ASAP2: variants seen among roughly 807,000 people sequenced by gnomAD.
ASAP2 encodes the protein arf-GAP with SH3 domain, ANK repeat and PH domain-containing protein 2.
In ASAP2, 45 loss-of-function variants were observed where a neutral mutation model predicts 131.4. That is an observed-to-expected ratio of 0.34 (90% CI 0.27 to 0.44). The LOEUF is 0.44. ASAP2 is among the 20% of genes least tolerant of loss of function. ASAP2 has a pLI of 1.00. For synonymous variants in ASAP2, 510 were observed against 503.0 expected (o/e 1.01, Z -0.19); for missense variants, 1,011 against 1,297.0 (o/e 0.78, Z 3.39).
At chr2:9,292,253 A>G (rs1667862529) in intron 2 of ASAP2, among the ~76,000 whole-genome samples, 1 of 152,058 alleles carries the variant, frequency 6.6e-6, no homozygotes, top group African/African-American at 2.4e-5. Flanking sequence ...TAAAACAGAG[A>G]AAGTAGGCTG....
intron 18 of ASAP2, among the ~76,000 whole-genome samples, chr2:9,377,744 AT>A (rs1674517272): frequency 6.6e-6 from 1 of 152,298 alleles, no homozygotes; most frequent in Non-Finnish European, 1.5e-5. Flanking sequence ...GATAGTTTGC[AT>A]TTTGTGTCCT....
intron 2 of ASAP2, among the ~76,000 whole-genome samples, chr2:9,291,150 T>A (rs1425512733): frequency 6.6e-6 from 1 of 152,244 alleles, no homozygotes; most frequent in Non-Finnish European, 1.5e-5. Flanking sequence ...CATTTTCATA[T>A]TGTTGGAACT....
At chr2:9,229,428 G>A (rs1488253208) in intron 1 of ASAP2, among the ~76,000 whole-genome samples, 2 of 152,180 alleles carry the variant, frequency 1.3e-5, no homozygotes, top group African/African-American at 2.4e-5. Context: ...CCTGAGTACT[G>A]TGCATCCAGC....
chr2:9,356,823 T>C (rs1460412728), intron 14 of ASAP2, among the ~76,000 whole-genome samples: 1 of 152,180 alleles, frequency 6.6e-6, no homozygotes, highest in African/African-American at 2.4e-5. Flanking sequence ...GTCTGTAAAG[T>C]GAAGGGACAG....
chr2:9,214,094 C>T (rs1453581446), intron 1 of ASAP2, among the ~76,000 whole-genome samples: 2 of 152,136 alleles, frequency 1.3e-5, no homozygotes, highest in Admixed American at 1.3e-4. Context: ...ATTTCAGCTC[C>T]CCAAACACTC....
At chr2:9,271,332 C>G (rs1374598179) in intron 1 of ASAP2, 3 of 1,049,042 alleles carry the variant, frequency 2.9e-6, no homozygotes, top group Non-Finnish European at 4.5e-6. Context: ...AGTCCAAGCT[C>G]TACGAGGAAC....
intron 24 of ASAP2, among the ~76,000 whole-genome samples, chr2:9,394,158 G>GC (rs1675934547): frequency 7.7e-6 from 1 of 130,656 alleles, no homozygotes; most frequent in African/African-American, 2.9e-5. Context: ...CTAGTTTGTG[G>GC]CTTTTTTTTT....
chr2:9,236,497 T>G (rs1007924544), intron 1 of ASAP2, among the ~76,000 whole-genome samples: 1 of 152,186 alleles, frequency 6.6e-6, no homozygotes, highest in Admixed American at 6.6e-5. Context: ...TGAAGATTAA[T>G]AAAATTAAAA....
intron 2 of ASAP2, among the ~76,000 whole-genome samples, chr2:9,287,226 C>T (rs1667524824): frequency 6.6e-6 from 1 of 152,250 alleles, no homozygotes; most frequent in African/African-American, 2.4e-5. Context: ...GAACACCCTA[C>T]GTGCCACCTG....
chr2:9,359,317 G>C (rs964108277), intron 15 of ASAP2, among the ~76,000 whole-genome samples: 1 of 152,250 alleles, frequency 6.6e-6, no homozygotes, highest in African/African-American at 2.4e-5. Flanking sequence ...CCCTACCCCA[G>C]ATTGTCCCCC....
At chr2:9,272,177 T>G (rs754968280) in intron 1 of ASAP2, among the ~76,000 whole-genome samples, 16 of 152,206 alleles carry the variant, frequency 1.1e-4, no homozygotes, top group Non-Finnish European at 2.2e-4. Context: ...TTCCCACCAA[T>G]AGTGTACAGG....
intron 21 of ASAP2, among the ~76,000 whole-genome samples, chr2:9,386,410 C>T (rs2148769046): frequency 6.6e-6 from 1 of 152,136 alleles, no homozygotes; most frequent in East Asian, 1.9e-4. Context: ...TGGAAGCAGT[C>T]TGCCCCAGCC....
Position 9,352,914 on chromosome 2 carries a change from C to T in ASAP2, c.1111+2019C>T, listed in dbSNP as rs552629965. On this transcript the variant is annotated intron_variant, in intron 12 of 27. Coordinates refer to ENST00000281419, the MANE Select transcript of ASAP2 (RefSeq NM_003887.3). ...AAAGAGCTCTCATCCCTCCTCCTTC[C>T]CTGCTTGTCTTCCAGTGGGTAAAAT... Among the ~76,000 whole-genome samples the T allele has an allele frequency of 3.9e-5, 6 of 152,314 alleles. No individual in the cohort carries two copies. In the East Asian group the frequency reaches 9.7e-4, roughly 25 times the overall value.
At chr2:9,401,190 C>G in intron 26 of ASAP2, 84 bp from the exon 27 acceptor site, 1 of 1,555,456 alleles carries the variant, frequency 6.4e-7, no homozygotes, top group Non-Finnish European at 8.8e-7. Context: ...CTCCTGAGAC[C>G]GGGGAAGGCA....
At chr2:9,381,698 C>G (rs1674856463) in intron 20 of ASAP2, among the ~76,000 whole-genome samples, 1 of 152,150 alleles carries the variant, frequency 6.6e-6, no homozygotes, top group African/African-American at 2.4e-5. Flanking sequence ...AATGGTGTCA[C>G]TGCACTCCAG....
chr2:9,392,932 T>G lies in ASAP2; in HGVS notation c.2519-550T>G, dbSNP rs936921284. Among the ~76,000 whole-genome samples, 2 of 152,190 alleles carry G rather than the reference T, an allele frequency of 1.3e-5. No individual in the cohort carries two copies. Among genetic ancestry groups the G allele is most frequent in the Non-Finnish European group, 2.9e-5 (2 of 68,036 alleles). ...CCTTGACGAGAGCTCTTCCCCTCCG[T>G]GGGCCTCAGCCTCCTTGTCTGTAAA... On this transcript the variant is annotated intron_variant, in intron 23 of 27. Coordinates refer to ENST00000281419, the MANE Select transcript of ASAP2 (RefSeq NM_003887.3). The surrounding 1 kb of genome is among the most constrained non-coding windows in gnomAD (Gnocchi z 4.0).
intron 1 of ASAP2, among the ~76,000 whole-genome samples, chr2:9,277,130 C>T (rs1311797262): frequency 1.3e-5 from 2 of 152,212 alleles, no homozygotes; most frequent in Non-Finnish European, 2.9e-5. Flanking sequence ...AGAATGGCCC[C>T]TCTCCTGGGA....
At chr2:9,337,844 T>C (rs527537037) in intron 9 of ASAP2, among the ~76,000 whole-genome samples, 2 of 152,358 alleles carry the variant, frequency 1.3e-5, no homozygotes, top group East Asian at 3.9e-4. Context: ...TACTACTCTT[T>C]GGTATTTCCA....
chr2:9,339,174 A>C (rs563102478), intron 9 of ASAP2, among the ~76,000 whole-genome samples: 5 of 152,144 alleles, frequency 3.3e-5, no homozygotes, highest in Admixed American at 3.3e-4. Context: ...GCATGACCTC[A>C]TCTCCAAAAC....
Sources: allele counts gnomAD v4.1 joint callset (sites outside exome capture counted in the v4.1 genomes callset), GRCh38; gene constraint gnomAD v4.1.1; non-coding constraint Gnocchi (gnomAD v3.1); transcripts MANE v1.5; gene names NCBI Gene and HGNC (gene_info 2026-07-23, HGNC 2026-07-21).